PRR16: variants seen among roughly 807,000 people sequenced by gnomAD.
PRR16 encodes the protein proline rich 16.
Under a neutral mutation model 18.2 loss-of-function variants are expected in PRR16, and 6 were observed. The observed-to-expected ratio is 0.33, with a 90% CI of 0.18 to 0.65. The LOEUF (loss-of-function observed/expected upper bound fraction) is 0.65, where lower values mean the gene tolerates loss of function less well. Among genes scored for constraint, PRR16 ranks in the 30% least tolerant of loss-of-function variants. The probability of loss-of-function intolerance (pLI) is 0.74; values close to 1 mark genes in which losing one functional copy is unlikely to be tolerated. For missense variants in PRR16, 412 were observed against 376.6 expected, an observed-to-expected ratio of 1.09 and a Z score of -0.78; for synonymous variants, 151 against 147.8, an observed-to-expected ratio of 1.02 and a Z score of -0.16.
intron 1 of PRR16, among the ~76,000 whole-genome samples, chr5:120,664,354 A>G (rs1041568103): frequency 1.3e-5 from 2 of 151,948 alleles, no homozygotes; most frequent in Non-Finnish European, 2.9e-5. Flanking sequence ...TCGTGCTGCA[A>G]TCCTGGGAAG....
At position 120,644,033 on chromosome 5, in the gene PRR16, A is replaced by T. The variant is rs148283737; in HGVS notation, c.160-41921A>T. On this transcript the variant is annotated intron_variant, in intron 1 of 1. Coordinates refer to ENST00000407149, the MANE Select transcript of PRR16 (RefSeq NM_001300783.2). ...ACAGAAAAACAAACAAACAAGGCTG[A>T]TGCCCTTTAGATGAGGACGTAGAAC... Among the ~76,000 whole-genome samples the T allele has an allele frequency of 1.5e-3, 235 of 152,146 alleles. 1 individual carries two copies. Among genetic ancestry groups the T allele is most frequent in the African/African-American group, 5.5e-3 (228 of 41,566 alleles).
At chr5:120,677,455 A>G (rs1391609719) in intron 1 of PRR16, among the ~76,000 whole-genome samples, 1 of 152,204 alleles carries the variant, frequency 6.6e-6, no homozygotes, top group Non-Finnish European at 1.5e-5. Context: ...AGTTAGGGGA[A>G]GGTAGTGTAT....
chr5:120,637,037 C>T (rs1755252029), intron 1 of PRR16, among the ~76,000 whole-genome samples: 1 of 151,960 alleles, frequency 6.6e-6, no homozygotes. Flanking sequence ...GAAAAATGCT[C>T]AACATCACTA....
intron 1 of PRR16, among the ~76,000 whole-genome samples, chr5:120,597,456 T>C (rs991735511): frequency 6.6e-6 from 1 of 151,708 alleles, no homozygotes; most frequent in East Asian, 1.9e-4. Context: ...ACTAAAATTC[T>C]GACATTCACA....
At chr5:120,679,225 A>G (rs1256216294) in intron 1 of PRR16, among the ~76,000 whole-genome samples, 1 of 152,150 alleles carries the variant, frequency 6.6e-6, no homozygotes, top group Non-Finnish European at 1.5e-5. Flanking sequence ...AATTATTTGG[A>G]CAAATGACTC....
At chr5:120,653,489 C>T (rs898030485) in intron 1 of PRR16, among the ~76,000 whole-genome samples, 9 of 151,084 alleles carry the variant, frequency 6.0e-5, no homozygotes, top group Admixed American at 2.6e-4. Flanking sequence ...AAATTTTTAC[C>T]ATGTCTGTTT....
chr5:120,488,420 T>C (rs952741258), intron 1 of PRR16, among the ~76,000 whole-genome samples: 2 of 152,372 alleles, frequency 1.3e-5, no homozygotes, highest in South Asian at 4.1e-4. Context: ...CTCTAGATTT[T>C]CTAGTTTATT....
chr5:120,589,854 C>G (rs1283998985), intron 1 of PRR16, among the ~76,000 whole-genome samples: 1 of 152,070 alleles, frequency 6.6e-6, no homozygotes, highest in Non-Finnish European at 1.5e-5. Flanking sequence ...CAAACCATAT[C>G]AGGCATTAGT....
At chr5:120,535,832 A>T (rs910452113) in intron 1 of PRR16, among the ~76,000 whole-genome samples, 6 of 145,488 alleles carry the variant, frequency 4.1e-5, no homozygotes, top group African/African-American at 1.3e-4. Flanking sequence ...GCCAGGCACG[A>T]TGGCTCACTC....
At chr5:120,471,031 T>C (rs537590258) in intron 1 of PRR16, among the ~76,000 whole-genome samples, 171 of 152,336 alleles carry the variant, frequency 1.1e-3, no homozygotes, top group Admixed American at 3.5e-3. Flanking sequence ...AGCGTATGTA[T>C]GGACACTGTT....
intron 1 of PRR16, among the ~76,000 whole-genome samples, chr5:120,512,510 T>C (rs1011904717): frequency 6.6e-6 from 1 of 152,272 alleles, no homozygotes; most frequent in Non-Finnish European, 1.5e-5. Context: ...TTGCATCTTA[T>C]GGGTCGGTGG....
chr5:120,590,404 T>C (rs1341073753), intron 1 of PRR16, among the ~76,000 whole-genome samples: 2 of 152,194 alleles, frequency 1.3e-5, no homozygotes, highest in African/African-American at 2.4e-5. Flanking sequence ...TTTTGTGTTA[T>C]CCACAAGTAT....
At chr5:120,476,978 T>C (rs57946643) in intron 1 of PRR16, among the ~76,000 whole-genome samples, 25,724 of 152,068 alleles carry the variant, frequency 0.17, 2,399 homozygotes, top group African/African-American at 0.23. Context: ...ATAGTCAACC[T>C]TCAGGCCTAA....
chr5:120,700,795 A>G, the PRR16 span, among the ~76,000 whole-genome samples: 186 of 152,242 alleles, frequency 1.2e-3, no homozygotes, highest in East Asian at 0.02. Context: ...AGAGTTACCC[A>G]AAGCTCGGCG....
intron 1 of PRR16, among the ~76,000 whole-genome samples, chr5:120,634,353 C>G (rs142527715): frequency 3.8e-4 from 58 of 152,174 alleles, no homozygotes; most frequent in African/African-American, 1.3e-3. Flanking sequence ...ATCAACAAGT[C>G]TGAAAGAGGG....
At chr5:120,485,843 C>G (rs962896463) in intron 1 of PRR16, among the ~76,000 whole-genome samples, 22 of 152,242 alleles carry the variant, frequency 1.4e-4, no homozygotes, top group African/African-American at 4.8e-4. Context: ...TGTTCCCCTT[C>G]CTGTGTCCAT....
intron 1 of PRR16, among the ~76,000 whole-genome samples, chr5:120,663,345 C>A (rs1387123225): frequency 6.6e-6 from 1 of 152,034 alleles, no homozygotes; most frequent in Non-Finnish European, 1.5e-5. Flanking sequence ...CTACTTTATT[C>A]CATCATCTCC....
chr5:120,686,814 C>A lies in PRR16; in HGVS notation c.*105C>A. On this transcript the variant is annotated 3_prime_UTR_variant, in exon 2 of 2. Coordinates refer to ENST00000407149, the MANE Select transcript of PRR16 (RefSeq NM_001300783.2). ...CAATAAAAAGCCCAAATATATTAAT[C>A]CTGCATTCAGCAAAGTGGCATAAAA... 1 of 961,312 alleles carries A rather than the reference C, an allele frequency of 1.0e-6. No individual in the cohort carries two copies. The highest frequency in any genetic ancestry group is 2.9e-5 in the East Asian group (1 of 34,954). The allele number at this position is 961,312 out of a possible 1,614,324, so 59.5% of individuals were successfully genotyped here.
chr5:120,771,128 G>C, the PRR16 span, among the ~76,000 whole-genome samples: 2 of 152,010 alleles, frequency 1.3e-5, no homozygotes, highest in South Asian at 4.1e-4. Flanking sequence ...TGTTGACTAA[G>C]TAAAGAATAA....
Sources: allele counts gnomAD v4.1 joint callset (sites outside exome capture counted in the v4.1 genomes callset), GRCh38; gene constraint gnomAD v4.1.1; transcripts MANE v1.5; gene names NCBI Gene and HGNC (gene_info 2026-07-23, HGNC 2026-07-21).